MAST4: variants seen among roughly 807,000 people sequenced by gnomAD.
MAST4 encodes microtubule-associated serine/threonine-protein kinase 4.
A neutral mutation model predicts 162.7 loss-of-function variants in MAST4; 89 were observed. The observed-to-expected ratio is 0.55, with a 90% CI of 0.46 to 0.65. The LOEUF is 0.65. Ranked by LOEUF, MAST4 falls within the 30% of genes least tolerant of loss-of-function variation. The pLI, the probability that MAST4 is intolerant of heterozygous loss-of-function variation, is 0.00. For missense variants in MAST4, 3,153 were observed against 3,374.0 expected, an observed-to-expected ratio of 0.93 and a Z score of 1.62; for synonymous variants, 1,479 against 1,361.1, an observed-to-expected ratio of 1.09 and a Z score of -1.91.
At chr5:66,903,453 T>TGC (rs1467283296) in intron 4 of MAST4, among the ~76,000 whole-genome samples, 2 of 151,922 alleles carry the variant, frequency 1.3e-5, no homozygotes, top group African/African-American at 4.8e-5. Context: ...TGTGTGTGTG[T>TGC]GTGTGTGTGT....
At chr5:67,139,428 G>T (rs549267161) in intron 19 of MAST4, among the ~76,000 whole-genome samples, 12 of 152,324 alleles carry the variant, frequency 7.9e-5, no homozygotes, top group African/African-American at 2.9e-4. Flanking sequence ...TGTGCTACTG[G>T]AACTACACTT....
intron 1 of MAST4, among the ~76,000 whole-genome samples, chr5:66,607,765 A>G (rs1742984096): frequency 1.3e-5 from 2 of 152,144 alleles, no homozygotes. Flanking sequence ...TCTTAGCTAC[A>G]GTTTTTTTAT....
chr5:66,658,902 G>A (rs1746722306), intron 1 of MAST4, among the ~76,000 whole-genome samples: 1 of 152,136 alleles, frequency 6.6e-6, no homozygotes, highest in Admixed American at 6.5e-5. Context: ...CATGCCTGTA[G>A]TCCCAGCTAC....
intron 3 of MAST4, among the ~76,000 whole-genome samples, chr5:66,834,847 A>G (rs781112780): frequency 5.9e-5 from 9 of 152,300 alleles, no homozygotes; most frequent in Non-Finnish European, 8.8e-5. Flanking sequence ...CTTTGAATCA[A>G]TAATGCAGGA....
At chr5:67,157,363 C>T (rs1316942283) in intron 26 of MAST4, among the ~76,000 whole-genome samples, 2 of 152,184 alleles carry the variant, frequency 1.3e-5, no homozygotes, top group East Asian at 3.8e-4. Flanking sequence ...AGACAAGAAA[C>T]AGAACTGGGC....
At chr5:66,942,998 G>A (rs886414470) in intron 4 of MAST4, among the ~76,000 whole-genome samples, 1 of 152,042 alleles carries the variant, frequency 6.6e-6, no homozygotes, top group African/African-American at 2.4e-5. Flanking sequence ...TAGGTAGAAA[G>A]GGGTGTGGCA....
chr5:66,921,989 C>T (rs1764570392), intron 4 of MAST4, among the ~76,000 whole-genome samples: 1 of 152,098 alleles, frequency 6.6e-6, no homozygotes, highest in Non-Finnish European at 1.5e-5. Context: ...AGTCTTCCAT[C>T]TTTATTTTGC....
At chr5:66,748,930 ATAGT>A (rs1752960198) in intron 1 of MAST4, among the ~76,000 whole-genome samples, 1 of 152,090 alleles carries the variant, frequency 6.6e-6, no homozygotes, top group South Asian at 2.1e-4. Context: ...GACTCAATCT[ATAGT>A]TAGATTTTAA....
chr5:66,779,470 T>C (rs941038843), intron 2 of MAST4, among the ~76,000 whole-genome samples: 2 of 150,862 alleles, frequency 1.3e-5, no homozygotes, highest in Non-Finnish European at 2.9e-5. Flanking sequence ...CACTTTCTGG[T>C]CACAGGTCTG....
At chr5:66,963,456 C>T (rs1045135723) in intron 4 of MAST4, among the ~76,000 whole-genome samples, 4 of 152,152 alleles carry the variant, frequency 2.6e-5, no homozygotes, top group African/African-American at 9.7e-5. Flanking sequence ...TGCCAAGTTG[C>T]TTTGTGACAA....
At chr5:66,731,656 C>T (rs1177017726) in intron 1 of MAST4, among the ~76,000 whole-genome samples, 2 of 151,948 alleles carry the variant, frequency 1.3e-5, no homozygotes, top group Non-Finnish European at 2.9e-5. Context: ...TTCTAGCTAT[C>T]CTCCCTCCTT....
intron 1 of MAST4, among the ~76,000 whole-genome samples, chr5:66,692,541 G>A (rs1431644606): frequency 3.3e-5 from 5 of 152,004 alleles, no homozygotes; most frequent in African/African-American, 1.2e-4. Context: ...CTGGGCTTCC[G>A]TCCTTTGAAT....
intron 3 of MAST4, among the ~76,000 whole-genome samples, chr5:66,797,882 C>A (rs1177789750): frequency 6.6e-6 from 1 of 152,080 alleles, no homozygotes; most frequent in Non-Finnish European, 1.5e-5. Flanking sequence ...TGTGATATTT[C>A]TAGGATAGTT....
chr5:67,163,465 G>A lies in MAST4; in HGVS notation c.4286G>A (p.Arg1429Lys). The change falls in exon 29 of 29, where the codon AGG (arginine) becomes AAG (lysine). Residue 1429 changes from arginine (R) to lysine (K), a missense_variant. Physicochemically the swap from Arg to Lys is conservative, Grantham distance 26 (BLOSUM62 2). This residue lies in a region of MAST4 where 619 missense variants were observed against 744.2 expected (regional missense o/e 0.83). Coordinates refer to ENST00000403625, the MANE Select transcript of MAST4 (RefSeq NM_001164664.2). The surrounding 1 kb of genome is among the most constrained non-coding windows in gnomAD (Gnocchi z 7.0). ...SPPTIVRHIV[R>K]PKSAEPPRSP... is the part of the protein sequence containing the mutation. ...CCCACCATCGTCAGACACATCGTGA[G>A]GCCCAAGAGTGCGGAGCCCCCCAGG... 6.2e-7 allele frequency: 1 copy of A among 1,613,514 alleles called. No homozygotes were observed. The highest frequency in any genetic ancestry group is 1.1e-5 in the South Asian group (1 of 91,064).
chr5:66,708,196 A>C (rs1270725878), intron 1 of MAST4, among the ~76,000 whole-genome samples: 2 of 152,144 alleles, frequency 1.3e-5, no homozygotes, highest in Non-Finnish European at 2.9e-5. Flanking sequence ...TTATTTGCGG[A>C]AAGAGTGCGG....
chr5:67,115,728 G>A (rs561493590), intron 12 of MAST4, among the ~76,000 whole-genome samples: 53 of 152,248 alleles, frequency 3.5e-4, no homozygotes, highest in Non-Finnish European at 6.3e-4. Flanking sequence ...ATCACTTCAG[G>A]CATTACAAAA....
chr5:66,688,362 A>G (rs1251399485), intron 1 of MAST4, among the ~76,000 whole-genome samples: 2 of 152,174 alleles, frequency 1.3e-5, no homozygotes. Context: ...TGCTGTCTGC[A>G]TCTGATTCAG....
chr5:66,909,550 CAG>C (rs1293168625), intron 4 of MAST4, among the ~76,000 whole-genome samples: 1 of 152,146 alleles, frequency 6.6e-6, no homozygotes, highest in African/African-American at 2.4e-5. Context: ...ACCAATGACT[CAG>C]AGAATTTGAG....
At chr5:66,904,368 T>G (rs1223589414) in intron 4 of MAST4, among the ~76,000 whole-genome samples, 1 of 152,214 alleles carries the variant, frequency 6.6e-6, no homozygotes, top group African/African-American at 2.4e-5. Context: ...ATGGTGTTTA[T>G]ACCCTGGAGA....
Sources: gnomAD v4.1 joint callset for allele counts (sites outside exome capture counted in the v4.1 genomes callset) on GRCh38, gnomAD v4.1.1 for gene constraint, gnomAD v4.1.1 regional missense constraint, Gnocchi (gnomAD v3.1) non-coding constraint, MANE v1.5 for transcripts, NCBI Gene and HGNC (gene_info 2026-07-23, HGNC 2026-07-21) for gene names.